The following MAPK10 variants were observed in gnomAD, a reference collection of about 807,000 sequenced individuals.
The protein encoded by MAPK10 is mitogen-activated protein kinase 10, also known as JNK3 alpha protein kinase.
Under a neutral mutation model 59.3 loss-of-function variants are expected in MAPK10, and 25 were observed. The ratio of observed to expected loss-of-function variants is 0.42; its 90% confidence interval spans 0.31 to 0.59. The LOEUF (loss-of-function observed/expected upper bound fraction) is 0.59. MAPK10 is among the 20% of genes least tolerant of loss of function. MAPK10 has a pLI of 0.15. For missense variants in MAPK10, 351 were observed against 568.9 expected (o/e 0.62, Z 3.90); for synonymous variants, 190 against 200.5 (o/e 0.95, Z 0.44).
At chr4:86,384,702 G>T (rs1741229937) in intron 1 of MAPK10, among the ~76,000 whole-genome samples, 1 of 152,188 alleles carries the variant, frequency 6.6e-6, no homozygotes, top group South Asian at 2.1e-4. Context: ...TCAATGTGGA[G>T]ACGACAGATT....
intron 6 of MAPK10, 147 bp downstream of exon 6, chr4:86,103,039 C>A (rs1481012574): frequency 5.2e-6 from 3 of 581,370 alleles, no homozygotes; most frequent in Non-Finnish European, 6.1e-6. Context: ...GACCCCACCT[C>A]TTACCTCTCT....
intron 1 of MAPK10, among the ~76,000 whole-genome samples, chr4:86,561,151 A>G (rs551997596): frequency 2.0e-5 from 3 of 152,288 alleles, no homozygotes; most frequent in Middle Eastern, 6.8e-3. Flanking sequence ...AGTAGGGTTC[A>G]TGCTCCTATG....
chr4:86,257,935 A>G (rs1223687576), intron 2 of MAPK10, among the ~76,000 whole-genome samples: 1 of 152,180 alleles, frequency 6.6e-6, no homozygotes, highest in Non-Finnish European at 1.5e-5. Context: ...TTCATCACAC[A>G]CACAAGGCAA....
chr4:86,567,262 C>A (rs1049448027), intron 1 of MAPK10, among the ~76,000 whole-genome samples: 1 of 150,946 alleles, frequency 6.6e-6, no homozygotes, highest in Non-Finnish European at 1.5e-5. Context: ...CACTTGTTGC[C>A]CAGGCTGGAG....
chr4:86,137,309 A>C (rs543497515), intron 4 of MAPK10, among the ~76,000 whole-genome samples: 78 of 151,176 alleles, frequency 5.2e-4, no homozygotes, highest in African/African-American at 1.7e-3. Context: ...GCAAATGTAA[A>C]AGAACAGAAA....
intron 2 of MAPK10, among the ~76,000 whole-genome samples, chr4:86,324,890 C>T (rs965354983): frequency 2.6e-5 from 4 of 152,110 alleles, no homozygotes; most frequent in South Asian, 4.1e-4. Context: ...CTATAAAACT[C>T]GCTCTTCATA....
intron 1 of MAPK10, among the ~76,000 whole-genome samples, chr4:86,378,948 C>T (rs1255887307): frequency 1.3e-5 from 2 of 152,152 alleles, no homozygotes; most frequent in East Asian, 3.8e-4. Flanking sequence ...GAAATGTAGG[C>T]CTGAAATAAC....
chr4:86,571,627 A>G (rs1002346310), intron 1 of MAPK10, among the ~76,000 whole-genome samples: 2 of 152,128 alleles, frequency 1.3e-5, no homozygotes, highest in African/African-American at 4.8e-5. Context: ...AAGCAAACTA[A>G]TTCATTCCTG....
intron 1 of MAPK10, among the ~76,000 whole-genome samples, chr4:86,496,103 C>A (rs1754851529): frequency 6.6e-6 from 1 of 152,018 alleles, no homozygotes; most frequent in South Asian, 2.1e-4. Context: ...AAGAAAAGTT[C>A]AAAAAAGCCC....
intron 1 of MAPK10, among the ~76,000 whole-genome samples, chr4:86,467,797 C>T (rs373196643): frequency 4.6e-5 from 7 of 152,146 alleles, no homozygotes; most frequent in African/African-American, 1.7e-4. Flanking sequence ...GAATGGCAGG[C>T]GTGAGCCACG....
intron 4 of MAPK10, among the ~76,000 whole-genome samples, chr4:86,135,844 G>A (rs1562160872): frequency 6.6e-6 from 1 of 152,174 alleles, no homozygotes; most frequent in Non-Finnish European, 1.5e-5. Context: ...GCTTAAAGGA[G>A]CTGATGGAGC....
Position 86,016,896 on chromosome 4 carries a change from T to C in MAPK10, c.*332A>G, listed in dbSNP as rs1743536729. 4.1e-6 allele frequency: 1 copy of C among 242,458 alleles called. No individual in the cohort carries two copies. The highest frequency in any genetic ancestry group is 8.2e-6 in the Non-Finnish European group (1 of 121,842). 15.0% of individuals were successfully genotyped at this position (242,458 alleles called of 1,614,324 possible). On this transcript the variant is annotated 3_prime_UTR_variant, in exon 14 of 14. Transcript: ENST00000641462. ...TTGTCATGCCATTTAAAAGGGCAGT[T>C]ACAGGTTGCCGGTTTTGCAGCCATT...
At chr4:86,211,455 G>T (rs1332773924) in intron 2 of MAPK10, among the ~76,000 whole-genome samples, 1 of 152,074 alleles carries the variant, frequency 6.6e-6, no homozygotes, top group Non-Finnish European at 1.5e-5. Context: ...GAAAAAAAGT[G>T]TCAACCAAGA....
intron 6 of MAPK10, chr4:86,102,245 C>G (rs1399424632): frequency 2.3e-6 from 1 of 442,848 alleles, no homozygotes; most frequent in Non-Finnish European, 4.0e-6. Context: ...TTATTAATGT[C>G]TGGTTCATGT....
intron 11 of MAPK10, among the ~76,000 whole-genome samples, chr4:86,052,152 T>A (rs2043673895): frequency 6.6e-6 from 1 of 152,160 alleles, no homozygotes. Flanking sequence ...ATCAGTTACT[T>A]CTGCCTCCAC....
intron 1 of MAPK10, among the ~76,000 whole-genome samples, chr4:86,520,866 G>A (rs553057211): frequency 6.6e-6 from 1 of 152,276 alleles, no homozygotes; most frequent in South Asian, 2.1e-4. Flanking sequence ...CCAGACTGCA[G>A]TGATTGTTAT....
rs113200421 is a variant in MAPK10 at position 86,226,817 on chromosome 4, T to A, written c.-6-32410A>T. ...CAAGCAGGTCTGAAAGCCATTTCCA[T>A]AGTGAGAATGAATTCCTGAAGAATC... On this transcript the variant is annotated intron_variant, in intron 2 of 13. Coordinates refer to ENST00000641462, the MANE Select transcript of MAPK10 (RefSeq NM_138982.4). 9.2e-5 allele frequency among the ~76,000 whole-genome samples: 14 copies of A among 152,270 alleles called. No homozygotes were observed. The East Asian group carries it at 1.7e-3, about 19-fold the overall frequency.
At chr4:86,097,648 G>C (rs1235244012) in intron 9 of MAPK10, among the ~76,000 whole-genome samples, 6 of 151,804 alleles carry the variant, frequency 4.0e-5, no homozygotes, top group Non-Finnish European at 8.8e-5. Context: ...TTTGTAGTAA[G>C]GTATTTTTGT....
chr4:86,361,562 C>T (rs1335683803), upstream of MAPK10, among the ~76,000 whole-genome samples: 1 of 152,048 alleles, frequency 6.6e-6, no homozygotes, highest in Non-Finnish European at 1.5e-5. Context: ...TGTCTGCATT[C>T]CCATATTTAT....
Sources: gnomAD v4.1 joint callset for allele counts (sites outside exome capture counted in the v4.1 genomes callset) on GRCh38, gnomAD v4.1.1 for gene constraint, MANE v1.5 for transcripts, NCBI Gene and HGNC (gene_info 2026-07-23, HGNC 2026-07-21) for gene names.